Variants in IL1RAPL1 observed in about 807,000 individuals in gnomAD.
The protein encoded by IL1RAPL1 is interleukin 1 receptor accessory protein like 1, also known as interleukin-1 receptor accessory protein-like 1.
Under a neutral mutation model 48.4 loss-of-function variants are expected in IL1RAPL1, and 3 were observed. That is an observed-to-expected ratio of 0.06 (90% confidence interval 0.03 to 0.16). The LOEUF is 0.16. Among genes scored for constraint, IL1RAPL1 ranks in the 10% least tolerant of loss-of-function variants. IL1RAPL1 has a pLI of 1.00. For synonymous variants in IL1RAPL1, 185 were observed against 187.7 expected (o/e 0.99, Z 0.12); for missense variants, 349 against 530.6 (o/e 0.66, Z 3.36).
At chrX:28,691,182 T>A (rs1003032139) in intron 1 of IL1RAPL1, among the ~76,000 whole-genome samples, 1 of 110,816 alleles carries the variant, frequency 9.0e-6, no homozygotes, top group Non-Finnish European at 1.9e-5. Context: ...CTGCCCCTGA[T>A]ATGCCATCTT....
At chrX:29,764,044 T>C (rs1293948292) in intron 6 of IL1RAPL1, among the ~76,000 whole-genome samples, 2 of 111,591 alleles carry the variant, frequency 1.8e-5, no homozygotes, top group Non-Finnish European at 3.8e-5. Context: ...TGATGTAAAT[T>C]ACAGTTTTAA....
intron 5 of IL1RAPL1, among the ~76,000 whole-genome samples, chrX:29,624,849 A>G (rs997665948): frequency 9.0e-6 from 1 of 111,330 alleles, no homozygotes; most frequent in Non-Finnish European, 1.9e-5. Flanking sequence ...CCTGTCTCAA[A>G]AAAATATTAT....
chrX:28,790,438 C>T (rs12558182), intron 2 of IL1RAPL1, among the ~76,000 whole-genome samples: 14,377 of 112,199 alleles, frequency 0.13, 713 homozygotes, highest in Middle Eastern at 0.27. Context: ...GATGATATAA[C>T]GAAAAAGCCC....
At chrX:29,588,271 T>C (rs1442151496) in intron 5 of IL1RAPL1, among the ~76,000 whole-genome samples, 1 of 112,258 alleles carries the variant, frequency 8.9e-6, no homozygotes, top group Non-Finnish European at 1.9e-5. Context: ...GAAGCAACAA[T>C]GGATAAGGCT....
chrX:28,721,431 T>G (rs1199754281), intron 1 of IL1RAPL1, among the ~76,000 whole-genome samples: 24 of 112,052 alleles, frequency 2.1e-4, no homozygotes, highest in Non-Finnish European at 3.8e-4. Context: ...GCCCACTTTT[T>G]GATGGGGTTG....
chrX:29,226,927 A>C (rs1051571620), intron 2 of IL1RAPL1, among the ~76,000 whole-genome samples: 3 of 111,500 alleles, frequency 2.7e-5, no homozygotes, highest in African/African-American at 9.8e-5. Context: ...GGGACTTAAA[A>C]CAAATTGAAT....
At chrX:29,537,626 TAA>T (rs149419868) in intron 5 of IL1RAPL1, among the ~76,000 whole-genome samples, 5 of 83,497 alleles carry the variant, frequency 6.0e-5, no homozygotes, top group African/African-American at 1.7e-4. Flanking sequence ...GAATATTTGG[TAA>T]AAAAAAAAAA....
intron 5 of IL1RAPL1, among the ~76,000 whole-genome samples, chrX:29,425,173 T>C (rs1934335590): frequency 8.9e-6 from 1 of 111,865 alleles, no homozygotes; most frequent in Non-Finnish European, 1.9e-5. Context: ...CAAGAAGACA[T>C]GCATCCATTT....
chrX:28,807,488 A>G (rs1936745664), intron 2 of IL1RAPL1, among the ~76,000 whole-genome samples: 2 of 111,785 alleles, frequency 1.8e-5, no homozygotes, highest in African/African-American at 6.5e-5. Flanking sequence ...AACTAAATTG[A>G]TGCCTTACAT....
At chrX:29,646,516 TA>T (rs1364029316) in intron 5 of IL1RAPL1, among the ~76,000 whole-genome samples, 1 of 111,235 alleles carries the variant, frequency 9.0e-6, no homozygotes. Context: ...CAAAGGAATA[TA>T]AAGCTATAGA....
intron 6 of IL1RAPL1, among the ~76,000 whole-genome samples, chrX:29,884,294 C>A (rs1386251404): frequency 1.8e-5 from 2 of 111,229 alleles, no homozygotes; most frequent in Non-Finnish European, 3.8e-5. Flanking sequence ...TATGTGATTT[C>A]CAGTGACCAC....
chrX:29,544,136 G>T (rs777969358), intron 5 of IL1RAPL1, among the ~76,000 whole-genome samples: 1 of 111,416 alleles, frequency 9.0e-6, no homozygotes, highest in Non-Finnish European at 1.9e-5. Context: ...CCAGCCCTTT[G>T]TTTCCTCTCT....
chrX:29,045,545 A>T (rs933517070), intron 2 of IL1RAPL1, among the ~76,000 whole-genome samples: 1 of 111,879 alleles, frequency 8.9e-6, no homozygotes, highest in African/African-American at 3.2e-5. Flanking sequence ...AGCTCACTGT[A>T]GCCTCAATTT....
intron 2 of IL1RAPL1, among the ~76,000 whole-genome samples, chrX:28,970,020 G>GTTTCTAAACACAT (rs1925030934): frequency 1.0e-5 from 1 of 99,847 alleles, no homozygotes; most frequent in Admixed American, 1.1e-4. Context: ...TATATATAAA[G>GTTTCTAAACACAT]ATAAAGTTTT....
intron 5 of IL1RAPL1, among the ~76,000 whole-genome samples, chrX:29,491,963 A>G (rs1311823937): frequency 8.9e-6 from 1 of 112,055 alleles, no homozygotes; most frequent in Non-Finnish European, 1.9e-5. Context: ...CCAAACCCCT[A>G]CAATAATCTT....
intron 2 of IL1RAPL1, among the ~76,000 whole-genome samples, chrX:29,069,671 C>A (rs868530553): frequency 1.6e-5 from 1 of 63,855 alleles, no homozygotes; most frequent in African/African-American, 4.4e-5. Context: ...ACACACACAC[C>A]CCTCCCCTTC....
At chrX:29,548,060 C>A (rs1921685232) in intron 5 of IL1RAPL1, among the ~76,000 whole-genome samples, 1 of 112,519 alleles carries the variant, frequency 8.9e-6, no homozygotes, top group South Asian at 3.6e-4. Context: ...TTCAGCTATA[C>A]AGGTGATACG....
At chrX:28,637,473 G>A (rs1240690903) in intron 1 of IL1RAPL1, among the ~76,000 whole-genome samples, 3 of 111,324 alleles carry the variant, frequency 2.7e-5, no homozygotes, top group African/African-American at 9.8e-5. Context: ...GCAAGCAAAT[G>A]CAGTTAGGTG....
At chrX:29,063,485 A>C (rs999092631) in intron 2 of IL1RAPL1, among the ~76,000 whole-genome samples, 1 of 111,624 alleles carries the variant, frequency 9.0e-6, no homozygotes, top group Non-Finnish European at 1.9e-5. Flanking sequence ...TTGTTCTCCA[A>C]CTATATTTTT....
Sources: allele counts gnomAD v4.1 joint callset (sites outside exome capture counted in the v4.1 genomes callset), GRCh38; gene constraint gnomAD v4.1.1; transcripts MANE v1.5; gene names NCBI Gene and HGNC (gene_info 2026-07-23, HGNC 2026-07-21).